ROBO2: variants seen among roughly 807,000 people sequenced by gnomAD.
The protein encoded by ROBO2 is roundabout homolog 2.
Under a neutral mutation model 160.8 loss-of-function variants are expected in ROBO2, and 53 were observed. The observed-to-expected ratio is 0.33, with a 90% CI of 0.26 to 0.41. The LOEUF (loss-of-function observed/expected upper bound fraction) is 0.41, where lower values mean the gene tolerates loss of function less well. ROBO2 is among the 10% of genes least tolerant of loss of function. The probability of loss-of-function intolerance (pLI) is 1.00; values close to 1 mark genes in which losing one functional copy is unlikely to be tolerated. For synonymous variants in ROBO2, 664 were observed against 611.7 expected (o/e 1.09, Z -1.26); for missense variants, 1,577 against 1,722.4 (o/e 0.92, Z 1.49).
intron 2 of ROBO2, among the ~76,000 whole-genome samples, chr3:76,494,692 T>C (rs1291631240): frequency 6.6e-6 from 1 of 152,174 alleles, no homozygotes; most frequent in Non-Finnish European, 1.5e-5. Context: ...AAATAATCTT[T>C]ATGCCAAACT....
At chr3:76,224,825 C>G (rs1704186607) in intron 2 of ROBO2, among the ~76,000 whole-genome samples, 1 of 152,156 alleles carries the variant, frequency 6.6e-6, no homozygotes, top group African/African-American at 2.4e-5. Context: ...ATCATCCTGG[C>G]ATTTTCATTG....
intron 2 of ROBO2, among the ~76,000 whole-genome samples, chr3:76,437,682 T>A (rs147836255): frequency 3.3e-5 from 5 of 152,290 alleles, no homozygotes; most frequent in African/African-American, 9.6e-5. Flanking sequence ...AGAGGAAGAC[T>A]GTACAATGTT....
At chr3:76,277,165 T>G (rs1157131228) in intron 2 of ROBO2, among the ~76,000 whole-genome samples, 2 of 152,044 alleles carry the variant, frequency 1.3e-5, no homozygotes, top group African/African-American at 4.8e-5. Context: ...GCAATTCTTT[T>G]TTTTACTCTT....
chr3:76,598,299 T>G (rs1560209787), intron 2 of ROBO2, among the ~76,000 whole-genome samples: 1 of 152,084 alleles, frequency 6.6e-6, no homozygotes, highest in African/African-American at 2.4e-5. Context: ...AAGTGGTTTT[T>G]TTTGTTTGTT....
chr3:76,613,483 A>T (rs1374740021), intron 2 of ROBO2, among the ~76,000 whole-genome samples: 2 of 152,096 alleles, frequency 1.3e-5, no homozygotes, highest in African/African-American at 4.8e-5. Flanking sequence ...AATGTACACC[A>T]ATAGCTCATA....
At chr3:76,542,595 A>G (rs941496146) in intron 2 of ROBO2, among the ~76,000 whole-genome samples, 25 of 152,146 alleles carry the variant, frequency 1.6e-4, no homozygotes, top group African/African-American at 6.0e-4. Flanking sequence ...TCAAGTCTTC[A>G]TTTTTTCTTA....
At chr3:76,401,813 C>T (rs1017414721) in intron 2 of ROBO2, among the ~76,000 whole-genome samples, 1 of 151,120 alleles carries the variant, frequency 6.6e-6, no homozygotes, top group Non-Finnish European at 1.5e-5. Context: ...TTTGTCATGT[C>T]CTAAGGTATC....
chr3:76,234,064 CA>C (rs1704787126), intron 2 of ROBO2, among the ~76,000 whole-genome samples: 1 of 152,164 alleles, frequency 6.6e-6, no homozygotes, highest in Non-Finnish European at 1.5e-5. Context: ...TAAGTGAGAA[CA>C]GGCAGTATTT....
chr3:76,669,404 C>T (rs1178533594), intron 2 of ROBO2, among the ~76,000 whole-genome samples: 4 of 151,994 alleles, frequency 2.6e-5, no homozygotes, highest in South Asian at 2.1e-4. Context: ...GCAAAGAGAC[C>T]GTACAACAGG....
intron 2 of ROBO2, among the ~76,000 whole-genome samples, chr3:77,442,847 C>T (rs191577938): frequency 2.0e-5 from 3 of 152,264 alleles, no homozygotes; most frequent in Non-Finnish European, 4.4e-5. Flanking sequence ...AATGGTTTTG[C>T]AAGCCTTACA....
chr3:77,416,290 T>A (rs1204797474), intron 2 of ROBO2, among the ~76,000 whole-genome samples: 3 of 152,172 alleles, frequency 2.0e-5, no homozygotes, highest in Non-Finnish European at 4.4e-5. Context: ...ACCATTTAAT[T>A]GGCTAAAGGC....
At chr3:76,060,968 T>C (rs1369354641) in intron 2 of ROBO2, among the ~76,000 whole-genome samples, 1 of 152,196 alleles carries the variant, frequency 6.6e-6, no homozygotes, top group African/African-American at 2.4e-5. Flanking sequence ...TAGAAGCATG[T>C]TCTTGCTACA....
At chr3:76,906,203 A>T in intron 2 of ROBO2, among the ~76,000 whole-genome samples, 1 of 152,180 alleles carries the variant, frequency 6.6e-6, no homozygotes, top group Admixed American at 6.5e-5. Context: ...TTAACACCAG[A>T]AATAAACTTT....
intron 1 of ROBO2, among the ~76,000 whole-genome samples, chr3:77,081,117 A>G (rs1170480802): frequency 6.6e-6 from 1 of 152,218 alleles, no homozygotes; most frequent in Non-Finnish European, 1.5e-5. Context: ...GGAAAATTAC[A>G]GGTTACTGAC....
chr3:76,305,871 C>T (rs997380673), intron 2 of ROBO2, among the ~76,000 whole-genome samples: 14 of 151,844 alleles, frequency 9.2e-5, no homozygotes, highest in African/African-American at 2.9e-4. Context: ...AAAAACATCA[C>T]CTTGTGATCA....
chr3:77,437,541 A>T (rs1333394449), intron 2 of ROBO2, among the ~76,000 whole-genome samples: 4 of 151,968 alleles, frequency 2.6e-5, no homozygotes, highest in Non-Finnish European at 5.9e-5. Flanking sequence ...CTATTAAAGC[A>T]TCTAATTTTA....
chr3:76,331,840 C>T (rs896608212), intron 2 of ROBO2, among the ~76,000 whole-genome samples: 3 of 151,968 alleles, frequency 2.0e-5, no homozygotes, highest in Non-Finnish European at 2.9e-5. Context: ...CCCACCACTA[C>T]GCCTGGCTAG....
At chr3:77,084,413 A>G (rs2069043156) in intron 1 of ROBO2, among the ~76,000 whole-genome samples, 1 of 152,278 alleles carries the variant, frequency 6.6e-6, no homozygotes, top group Non-Finnish European at 1.5e-5. Flanking sequence ...GCAACTTCCT[A>G]CATTTTAGAA....
chr3:77,226,584 G>A (rs1375777782), intron 2 of ROBO2, among the ~76,000 whole-genome samples: 1 of 152,064 alleles, frequency 6.6e-6, no homozygotes, highest in Non-Finnish European at 1.5e-5. Flanking sequence ...AATTGACAAA[G>A]TCAAGATTGC....
Sources: gnomAD v4.1 joint callset for allele counts (sites outside exome capture counted in the v4.1 genomes callset) on GRCh38, gnomAD v4.1.1 for gene constraint, MANE v1.5 for transcripts, NCBI Gene and HGNC (gene_info 2026-07-23, HGNC 2026-07-21) for gene names.